The following ARL9 variants were observed in gnomAD, a reference collection of about 807,000 sequenced individuals.
The protein encoded by ARL9 is ADP-ribosylation factor-like protein 9.
Under a neutral mutation model 27.0 loss-of-function variants are expected in ARL9, and 14 were observed. The observed-to-expected ratio is 0.52, with a 90% CI of 0.34 to 0.81. The LOEUF is 0.81. Ranked by LOEUF, ARL9 falls within the 30% of genes least tolerant of loss-of-function variation. ARL9 has a pLI of 0.01. For missense variants in ARL9, 294 were observed against 290.0 expected, an observed-to-expected ratio of 1.01 and a Z score of -0.10; for synonymous variants, 106 against 108.7, an observed-to-expected ratio of 0.98 and a Z score of 0.15.
intron 2 of ARL9, among the ~76,000 whole-genome samples, 166 bp downstream of exon 2, chr4:56,511,513 A>T (rs1048291972): frequency 6.6e-6 from 1 of 152,206 alleles, no homozygotes; most frequent in Admixed American, 6.5e-5. Flanking sequence ...TGTGGGGGGA[A>T]TCACTTTTTG....
intron 1 of ARL9, among the ~76,000 whole-genome samples, 186 bp downstream of exon 1, chr4:56,506,327 G>C (rs1721458726): frequency 6.6e-6 from 1 of 152,092 alleles, no homozygotes; most frequent in African/African-American, 2.4e-5. Flanking sequence ...CTTTTCCCGG[G>C]CCCCCTGCCC....
chr4:56,516,897 C>T (rs968261010), intron 2 of ARL9, among the ~76,000 whole-genome samples: 2 of 152,084 alleles, frequency 1.3e-5, no homozygotes, highest in Non-Finnish European at 2.9e-5. Context: ...CCACTGCCCT[C>T]CAGCCTGGAT....
chr4:56,510,208 T>A (rs1721595821), intron 1 of ARL9, among the ~76,000 whole-genome samples: 1 of 151,044 alleles, frequency 6.6e-6, no homozygotes, highest in Non-Finnish European at 1.5e-5. Flanking sequence ...AAATACAAAT[T>A]GCGGAGCGTG....
At chr4:56,508,430 T>G (rs957818359) in intron 1 of ARL9, among the ~76,000 whole-genome samples, 1 of 152,196 alleles carries the variant, frequency 6.6e-6, no homozygotes, top group Non-Finnish European at 1.5e-5. Flanking sequence ...TTGCCCAGGC[T>G]GGAGTGCAAT....
chr4:56,506,602 G>A (rs1008110734), intron 1 of ARL9: 47 of 985,222 alleles, frequency 4.8e-5, no homozygotes, highest in Non-Finnish European at 3.6e-5. Context: ...GTTTGGGGAC[G>A]CTGCAGTTGT....
At chr4:56,507,927 G>A (rs1187388523) in intron 1 of ARL9, among the ~76,000 whole-genome samples, 1 of 146,828 alleles carries the variant, frequency 6.8e-6, no homozygotes, top group Non-Finnish European at 1.5e-5. Context: ...AGTGAGCCAA[G>A]ATCGTGCCAC....
intron 2 of ARL9, among the ~76,000 whole-genome samples, chr4:56,514,074 G>A (rs1195342000): frequency 6.6e-6 from 1 of 152,186 alleles, no homozygotes; most frequent in African/African-American, 2.4e-5. Context: ...TGGAGGCTGA[G>A]GCAGGAGGAT....
intron 1 of ARL9, chr4:56,506,786 T>TTTTGTGTGTATGTGTG (rs775195012): frequency 2.2e-5 from 4 of 179,852 alleles, no homozygotes; most frequent in African/African-American, 1.5e-4. Flanking sequence ...ATTAACACAG[T>TTTTGTGTGTATGTGTG]TGTGTGTGTG....
chr4:56,507,331 T>C (rs781742065), intron 1 of ARL9, among the ~76,000 whole-genome samples: 2 of 151,966 alleles, frequency 1.3e-5, no homozygotes. Context: ...TTTTGTTTTT[T>C]TGAGACAGAG....
At chr4:56,506,278 G>T in intron 1 of ARL9, 137 bp downstream of exon 1, 1 of 942,360 alleles carries the variant, frequency 1.1e-6, no homozygotes, top group Non-Finnish European at 1.4e-6. Context: ...ATTTACCTAT[G>T]GATGAAAGAG....
chr4:56,515,213 C>A (rs1231151179), intron 2 of ARL9, among the ~76,000 whole-genome samples: 8 of 149,412 alleles, frequency 5.4e-5, no homozygotes, highest in Non-Finnish European at 1.2e-4. Context: ...GAGATTGTGC[C>A]ACTGCACTCC....
intron 2 of ARL9, among the ~76,000 whole-genome samples, chr4:56,512,448 T>C (rs1721663487): frequency 6.6e-6 from 1 of 152,054 alleles, no homozygotes; most frequent in Admixed American, 6.6e-5. Flanking sequence ...GTGCCTTCTG[T>C]CAGAAATACT....
intron 1 of ARL9, among the ~76,000 whole-genome samples, chr4:56,510,255 T>C (rs1457187022): frequency 6.7e-6 from 1 of 148,746 alleles, no homozygotes; most frequent in Non-Finnish European, 1.5e-5. Flanking sequence ...CTCGGGAGGC[T>C]GAGGCAGGAG....
intron 2 of ARL9, among the ~76,000 whole-genome samples, chr4:56,518,363 G>A (rs1311544168): frequency 6.6e-6 from 1 of 152,092 alleles, no homozygotes; most frequent in Non-Finnish European, 1.5e-5. Flanking sequence ...AGCTATAACT[G>A]ATAAACATGC....
chr4:56,507,137 TATTTGGCTAAAGGA>T (rs1396430391), intron 1 of ARL9, among the ~76,000 whole-genome samples: 2 of 151,912 alleles, frequency 1.3e-5, no homozygotes, highest in East Asian at 3.9e-4. Flanking sequence ...CATAGACTCA[TATTTGGCTAAAGGA>T]ATAACTTTTG....
rs112860110 is a variant in ARL9, at chr4:56,513,922, C to A, written c.442+2575C>A. Among the ~76,000 whole-genome samples, 292 of 152,270 alleles carry A rather than the reference C, an allele frequency of 1.9e-3. 10 individuals carry two copies. In the South Asian group the frequency reaches 0.039, roughly 20 times the overall value. ...TGGTGGCTCACACCTGTAATCCCAG[C>A]ACTTTGAGAGGCCGGGGCAGGTGGA... On this transcript the variant is annotated intron_variant, in intron 2 of 3. Coordinates refer to ENST00000640821, the MANE Select transcript of ARL9 (RefSeq NM_001363794.2).
At chr4:56,520,428 C>T (rs1273027193) in intron 3 of ARL9, among the ~76,000 whole-genome samples, 1 of 152,070 alleles carries the variant, frequency 6.6e-6, no homozygotes, top group African/African-American at 2.4e-5. Flanking sequence ...CTATATGATT[C>T]CATTTATACG....
rs982264788 is a variant in ARL9 at position 56,524,008 on chromosome 4, T to C, written c.*132T>C. On this transcript the variant is annotated 3_prime_UTR_variant, in exon 4 of 4. Coordinates refer to ENST00000640821, the MANE Select transcript of ARL9 (RefSeq NM_001363794.2). Reference sequence around the variant, plus strand: ...ATTTTCTCAGTGCATGGGATGTATATAGTTAGCCCTCCATATCCATGGGTT... The same window carrying C: ...ATTTTCTCAGTGCATGGGATGTATACAGTTAGCCCTCCATATCCATGGGTT... The C allele has an allele frequency of 1.6e-5, 12 of 763,816 alleles. No individual in the cohort carries two copies. The highest frequency in any genetic ancestry group is 5.8e-5 in the East Asian group (2 of 34,390). 47.3% of individuals were successfully genotyped at this position (763,816 alleles called of 1,614,324 possible). A position where few individuals can be genotyped will look rare whatever the true frequency, so the allele number is the denominator to read the frequency against.
At chr4:56,506,558 G>A (rs1721468189) in intron 1 of ARL9, 3 of 944,646 alleles carry the variant, frequency 3.2e-6, no homozygotes, top group African/African-American at 3.5e-5. Flanking sequence ...TGCGTTCTTT[G>A]TCAGAAGGGG....
Sources: gnomAD v4.1 joint callset for allele counts (sites outside exome capture counted in the v4.1 genomes callset) on GRCh38, gnomAD v4.1.1 for gene constraint, MANE v1.5 for transcripts, NCBI Gene and HGNC (gene_info 2026-07-23, HGNC 2026-07-21) for gene names.